The following BAZ1A variants were observed in gnomAD, a reference collection of about 807,000 sequenced individuals.
The protein encoded by BAZ1A is bromodomain adjacent to zinc finger domain protein 1A.
A neutral mutation model predicts 185.2 loss-of-function variants in BAZ1A; 50 were observed. The observed-to-expected ratio is 0.27, with a 90% CI of 0.22 to 0.34. BAZ1A has a LOEUF of 0.34. Ranked by LOEUF, BAZ1A falls within the 10% of genes least tolerant of loss-of-function variation. BAZ1A has a pLI of 1.00. For missense variants in BAZ1A, 1,356 were observed against 1,839.9 expected, an observed-to-expected ratio of 0.74 and a Z score of 4.81; for synonymous variants, 571 against 615.6, an observed-to-expected ratio of 0.93 and a Z score of 1.07.
chr14:34,808,429 C>A lies in BAZ1A; in HGVS notation c.639-891G>T, dbSNP rs568354531. Among the ~76,000 whole-genome samples, 4 of 152,082 alleles carry A rather than the reference C, an allele frequency of 2.6e-5. No individual in the cohort carries two copies. In the East Asian group the frequency reaches 7.7e-4, roughly 29 times the overall value. On this transcript the variant is annotated intron_variant, in intron 5 of 26. Transcript: ENST00000360310. ...TGGAGAATCGCTTGAGCCTGGGAGGCCGAGGGTGCAGTGAGCCGAGATCGT... is the reference window on the plus strand; with the variant it reads ...TGGAGAATCGCTTGAGCCTGGGAGGACGAGGGTGCAGTGAGCCGAGATCGT...
intron 18 of BAZ1A, among the ~76,000 whole-genome samples, chr14:34,775,008 A>G (rs1480479040): frequency 6.6e-6 from 1 of 152,174 alleles, no homozygotes; most frequent in Non-Finnish European, 1.5e-5. Flanking sequence ...TGAGGTCAGG[A>G]GTTTGAGACC....
rs1166976391 is a variant in BAZ1A at position 34,776,046 on chromosome 14, G to T, written c.2706C>A (p.Asp902Glu). 6.2e-7 allele frequency: 1 copy of T among 1,614,110 alleles called. No individual in the cohort carries two copies. The highest frequency in any genetic ancestry group is 2.2e-5 in the East Asian group (1 of 44,894). The change falls in exon 18 of 27, where the codon GAC becomes GAA. Residue 902 changes from aspartate (D) to glutamate (E), a missense_variant. Physicochemically the swap from Asp to Glu is conservative, Grantham distance 45. This residue lies in a region of BAZ1A where 434 missense variants were observed against 561.7 expected (regional missense o/e 0.77). Coordinates refer to ENST00000360310, the MANE Select transcript of BAZ1A (RefSeq NM_013448.3). ...TAGAATTAAGAGCTTCAATAAGCTGGTCTAGCTGTTCACAAGAACTGTAAA... is the reference window on the plus strand; with the variant it reads ...TAGAATTAAGAGCTTCAATAAGCTGTTCTAGCTGTTCACAAGAACTGTAAA... ...WCFYSSCEQL[D>E]QLIEALNSRG...
chr14:34,758,781 C>T lies in BAZ1A; in HGVS notation c.4309G>A (p.Ala1437Thr). 1 of 1,614,164 alleles carries T rather than the reference C, an allele frequency of 6.2e-7. No homozygotes were observed. The highest frequency in any genetic ancestry group is 8.5e-7 in the Non-Finnish European group (1 of 1,180,026). Residue 1437 changes from alanine (A) to threonine (T), a missense_variant, in exon 25 of 27, where the codon GCT (alanine) becomes ACT (threonine). Ala to Thr is a moderately conservative substitution (Grantham distance 58). This residue lies in a region of BAZ1A where 309 missense variants were observed against 355.3 expected (regional missense o/e 0.87). Coordinates refer to ENST00000360310, the MANE Select transcript of BAZ1A (RefSeq NM_013448.3). ...GRQGGVHELS[A>T]FEQLVVELVR... ...AATTCTACAACAAGTTGTTCAAAAG[C>T]AGACAATTCATGAACTCCTCCCTGT...
chr14:34,838,578 G>T (rs1160121444), intron 3 of BAZ1A, among the ~76,000 whole-genome samples: 1 of 151,450 alleles, frequency 6.6e-6, no homozygotes, highest in Non-Finnish European at 1.5e-5. Flanking sequence ...CTGGAGTTCA[G>T]TGGCGCAATC....
At chr14:34,820,122 GTTTTTTTTTTTTTT>G (rs59706713) in intron 4 of BAZ1A, among the ~76,000 whole-genome samples, 1 of 80,662 alleles carries the variant, frequency 1.2e-5, no homozygotes, top group African/African-American at 5.1e-5. Context: ...TGGGTTCCTC[GTTTTTTTTTTTTTT>G]TTTTTTTTTG....
At chr14:34,855,322 G>C (rs1235496713) in intron 3 of BAZ1A, among the ~76,000 whole-genome samples, 1 of 152,092 alleles carries the variant, frequency 6.6e-6, no homozygotes, top group Admixed American at 6.6e-5. Context: ...TAAGGCAAAC[G>C]ACAAGCTGCA....
intron 3 of BAZ1A, among the ~76,000 whole-genome samples, chr14:34,836,503 T>A (rs553343937): frequency 1.3e-5 from 2 of 149,958 alleles, no homozygotes; most frequent in South Asian, 4.2e-4. Context: ...GGAAAGAAGA[T>A]CTAGAAGCCT....
intron 13 of BAZ1A, 32 bp from the exon 14 acceptor site, chr14:34,786,033 G>C (rs75162646): frequency 1.9e-6 from 3 of 1,597,986 alleles, no homozygotes; most frequent in Non-Finnish European, 2.6e-6. Context: ...TAGTCATTTA[G>C]AATATAAACA....
At chr14:34,808,826 A>C (rs1166665131) in intron 5 of BAZ1A, among the ~76,000 whole-genome samples, 2 of 152,198 alleles carry the variant, frequency 1.3e-5, no homozygotes, top group African/African-American at 4.8e-5. Flanking sequence ...TTTGGGAAAA[A>C]GTAAATGTTT....
rs140514354 is a variant in BAZ1A at position 34,795,709 on chromosome 14, C to T, written c.1185G>A (p.Trp395Ter). ...ATTCCATATCTTCTCTAGGTTTACT[C>T]CACTGTTTTAAGTATTCCACATACT... ...KRKYVEYLKQ[W>*]SKPREDMECD... Residue 395 changes from tryptophan to a stop codon, truncating the protein, a stop_gained, in exon 10 of 27, where the codon TGG becomes TGA. Coordinates refer to ENST00000360310, the MANE Select transcript of BAZ1A (RefSeq NM_013448.3). LOFTEE classifies it high-confidence loss of function. 1 of 1,612,916 alleles carries T rather than the reference C, an allele frequency of 6.2e-7. No individual in the cohort carries two copies. The highest frequency in any genetic ancestry group is 8.5e-7 in the Non-Finnish European group (1 of 1,179,692).
intron 4 of BAZ1A, among the ~76,000 whole-genome samples, chr14:34,819,062 A>T (rs944553435): frequency 1.4e-5 from 2 of 143,964 alleles, no homozygotes; most frequent in Non-Finnish European, 3.0e-5. Context: ...AATGGCATGA[A>T]CCCGGGAGGC....
At chr14:34,763,505 G>C (rs894359397) in intron 23 of BAZ1A, among the ~76,000 whole-genome samples, 1 of 152,010 alleles carries the variant, frequency 6.6e-6, no homozygotes, top group Non-Finnish European at 1.5e-5. Flanking sequence ...GCTATGGTCA[G>C]GCCTGCTGAC....
intron 4 of BAZ1A, 61 bp downstream of exon 4, chr14:34,825,952 T>G: frequency 6.9e-7 from 1 of 1,441,106 alleles, no homozygotes; most frequent in Non-Finnish European, 9.2e-7. Context: ...AAAAAGTTAT[T>G]TCAATGGAAT....
chr14:34,805,538 C>T (rs1360211679), intron 6 of BAZ1A, among the ~76,000 whole-genome samples: 1 of 152,194 alleles, frequency 6.6e-6, no homozygotes, highest in African/African-American at 2.4e-5. Flanking sequence ...CGATTGCCTA[C>T]CACGTGTCAG....
intron 21 of BAZ1A, among the ~76,000 whole-genome samples, chr14:34,770,399 C>A (rs1429359552): frequency 6.6e-6 from 1 of 152,150 alleles, no homozygotes; most frequent in Non-Finnish European, 1.5e-5. Flanking sequence ...GTGATCCAAC[C>A]GCCTCGGCCT....
chr14:34,830,045 A>T (rs975161835), intron 3 of BAZ1A, among the ~76,000 whole-genome samples: 4 of 152,234 alleles, frequency 2.6e-5, no homozygotes, highest in African/African-American at 9.6e-5. Context: ...TGAGACAGTC[A>T]CAATAATAGT....
chr14:34,872,939 A>AC (rs1566608912), intron 2 of BAZ1A, among the ~76,000 whole-genome samples: 14 of 147,370 alleles, frequency 9.5e-5, no homozygotes, highest in South Asian at 2.2e-4. Context: ...AAAAAAAAAA[A>AC]AACTTGTCCA....
chr14:34,820,423 T>G (rs2042072556), intron 4 of BAZ1A, among the ~76,000 whole-genome samples: 1 of 152,186 alleles, frequency 6.6e-6, no homozygotes, highest in African/African-American at 2.4e-5. Context: ...TGAGCCATGG[T>G]GCCCAGCCCT....
chr14:34,783,493 G>A (rs903671731), intron 15 of BAZ1A, among the ~76,000 whole-genome samples: 4 of 149,782 alleles, frequency 2.7e-5, no homozygotes, highest in Admixed American at 1.3e-4. Flanking sequence ...GCACCACCAC[G>A]CCCGGTTACT....
Sources: gnomAD v4.1 joint callset for allele counts (sites outside exome capture counted in the v4.1 genomes callset) on GRCh38, gnomAD v4.1.1 for gene constraint, gnomAD v4.1.1 regional missense constraint, MANE v1.5 for transcripts, NCBI Gene and HGNC (gene_info 2026-07-23, HGNC 2026-07-21) for gene names.